The following C12orf56 variants were observed in gnomAD, a reference collection of about 807,000 sequenced individuals.
C12orf56 encodes the protein chromosome 12 open reading frame 56.
C12orf56 carries 71 observed loss-of-function variants against 69.9 expected under a neutral mutation model. The observed-to-expected ratio is 1.02, with a 90% CI of 0.84 to 1.24. The LOEUF is 1.24. Among genes scored for constraint, C12orf56 ranks in the 50% most tolerant of loss-of-function variants. The probability of loss-of-function intolerance (pLI) is 0.00; values close to 1 mark genes in which losing one functional copy is unlikely to be tolerated. For missense variants in C12orf56, 732 were observed against 738.5 expected, an observed-to-expected ratio of 0.99 and a Z score of 0.10; for synonymous variants, 276 against 274.1, an observed-to-expected ratio of 1.01 and a Z score of -0.07.
chr12:64,387,077 C>CAACAAAAAAAAAAAAAAAAAAAAA (rs1201123599), intron 1 of C12orf56, among the ~76,000 whole-genome samples: 1 of 42,086 alleles, frequency 2.4e-5, no homozygotes, highest in African/African-American at 1.1e-4. Flanking sequence ...GACTCTATCT[C>CAACAAAAAAAAAAAAAAAAAAAAA]AAAAAAAAAA....
chr12:64,383,617 C>T lies in C12orf56; in HGVS notation c.252+6697G>A, dbSNP rs568980383. Among the ~76,000 whole-genome samples the T allele has an allele frequency of 3.2e-4, 48 of 152,064 alleles. No homozygotes were observed. The South Asian group carries it at 6.6e-3, about 21-fold the overall frequency. On this transcript the variant is annotated intron_variant, in intron 1 of 12. Coordinates refer to ENST00000543942, the MANE Select transcript of C12orf56 (RefSeq NM_001170633.2). ...GTCTTAAACTCCTGACCTCATGATC[C>T]GCCCACCTCAGCCTCCCCAAGTGCT...
intron 6 of C12orf56, among the ~76,000 whole-genome samples, chr12:64,297,695 T>C (rs574613598): frequency 1.3e-5 from 2 of 152,220 alleles, no homozygotes; most frequent in Non-Finnish European, 2.9e-5. Context: ...GCTTCATCCA[T>C]GTCCCTGCAA....
rs1294693493 is a variant in C12orf56, at chr12:64,275,297, C to A, written c.1509+1G>T. On this transcript the variant is annotated splice_donor_variant, in intron 10 of 12. Coordinates refer to ENST00000543942, the MANE Select transcript of C12orf56 (RefSeq NM_001170633.2). LOFTEE classifies it high-confidence loss of function. ...AAAAATATAATTTTTAAAAATTGTACCTGCTGAAAGACCAGAAGTATCTCA... is the reference window on the plus strand; with the variant it reads ...AAAAATATAATTTTTAAAAATTGTAACTGCTGAAAGACCAGAAGTATCTCA... 2.2e-6 allele frequency: 3 copies of A among 1,350,656 alleles called. No homozygotes were observed. The highest frequency in any genetic ancestry group is 1.6e-5 in the South Asian group (1 of 63,446). 83.7% of individuals were successfully genotyped at this position (1,350,656 alleles called of 1,614,324 possible).
chr12:64,321,360 G>C lies in C12orf56; in HGVS notation c.489-2380C>G, dbSNP rs539619047. ...GTGGAAAACTACTTTGTTTTGTAGA[G>C]ATGGGGGTCTCACTACATTGCCCAG... On this transcript the variant is annotated intron_variant, in intron 3 of 12. Coordinates refer to ENST00000543942, the MANE Select transcript of C12orf56 (RefSeq NM_001170633.2). 1.3e-3 allele frequency among the ~76,000 whole-genome samples: 194 copies of C among 152,250 alleles called. 1 individual carries two copies. Among genetic ancestry groups the C allele is most frequent in the African/African-American group, 4.4e-3 (182 of 41,550 alleles).
chr12:64,381,071 A>T (rs568707420), intron 1 of C12orf56, among the ~76,000 whole-genome samples: 5 of 152,256 alleles, frequency 3.3e-5, no homozygotes, highest in Non-Finnish European at 7.4e-5. Flanking sequence ...CTAGAGTTTT[A>T]TTATTACTCA....
At chr12:64,349,253 C>A (rs757277078) in intron 2 of C12orf56, among the ~76,000 whole-genome samples, 3 of 152,052 alleles carry the variant, frequency 2.0e-5, no homozygotes, top group Non-Finnish European at 4.4e-5. Context: ...AAATGGCCAA[C>A]AAACATATGA....
chr12:64,337,267 A>G (rs910260787), intron 2 of C12orf56, among the ~76,000 whole-genome samples: 3 of 152,112 alleles, frequency 2.0e-5, no homozygotes, highest in Admixed American at 6.6e-5. Flanking sequence ...CTAGATACCA[A>G]CTGGGAGTAC....
At chr12:64,292,959 C>T (rs376748121) in intron 6 of C12orf56, among the ~76,000 whole-genome samples, 2 of 146,732 alleles carry the variant, frequency 1.4e-5, no homozygotes, top group African/African-American at 2.5e-5. Flanking sequence ...GCCTCGCTGC[C>T]GCCTTGCAGT....
Position 64,277,660 on chromosome 12 carries a change from C to A in C12orf56, c.1434+20G>T. On this transcript the variant is annotated intron_variant, in intron 9 of 12. Coordinates refer to ENST00000543942, the MANE Select transcript of C12orf56 (RefSeq NM_001170633.2). The stretch of plus-strand genomic sequence containing the variant: ...TATATATATATATATAATAGTTTAC[C>A]CCCCAAATTCTCATCTCACCTCAGC... 1 of 1,421,694 alleles carries A rather than the reference C, an allele frequency of 7.0e-7. No individual in the cohort carries two copies. 88.1% of individuals were successfully genotyped at this position (1,421,694 alleles called of 1,614,324 possible).
At chr12:64,347,650 G>T (rs2039164586) in intron 2 of C12orf56, among the ~76,000 whole-genome samples, 1 of 152,124 alleles carries the variant, frequency 6.6e-6, no homozygotes, top group African/African-American at 2.4e-5. Context: ...TGTCTCTCTA[G>T]TTATATATGT....
At position 64,318,910 on chromosome 12, in the gene C12orf56, A is replaced by G. The variant is rs2038730584; in HGVS notation, c.559T>C (p.Ser187Pro). 2 of 1,536,910 alleles carry G rather than the reference A, an allele frequency of 1.3e-6. No homozygotes were observed. The highest frequency in any genetic ancestry group is 1.7e-6 in the Non-Finnish European group (2 of 1,146,816). The change falls in exon 4 of 13, where the codon TCC becomes CCC. Residue 187 changes from serine (S) to proline (P), a missense_variant. By Grantham distance (74) the Ser-to-Pro change is moderately conservative. Coordinates refer to ENST00000543942, the MANE Select transcript of C12orf56 (RefSeq NM_001170633.2). ...CGAAAGGCACCTTGGCCATGAAGGG[A>G]CAGCTTTTTGAGGCCTGGACGAGGA... is the stretch of plus-strand genomic sequence containing the variant. ...LCPRPGLKKL[S>P]LHGQGAFRPL... is the part of the protein sequence containing the mutation.
intron 8 of C12orf56, among the ~76,000 whole-genome samples, chr12:64,284,256 T>A (rs10784397): frequency 0.72 from 109,815 of 152,080 alleles, 40,435 homozygotes; most frequent in Non-Finnish European, 0.8. Context: ...CAAAGTCATT[T>A]ACTCTAAGGT....
chr12:64,358,597 C>CA (rs1351048106), intron 1 of C12orf56, among the ~76,000 whole-genome samples: 1 of 151,530 alleles, frequency 6.6e-6, no homozygotes, highest in African/African-American at 2.4e-5. Context: ...AGTTCGAGAC[C>CA]AGCCTGGCCA....
chr12:64,388,884 G>C (rs2039828884), intron 1 of C12orf56: 1 of 152,176 alleles, frequency 6.6e-6, no homozygotes, highest in Admixed American at 6.5e-5. Flanking sequence ...CAAGAGAATG[G>C]AAACAATGGT....
At position 64,265,767 on chromosome 12, in the gene C12orf56, G is replaced by C. The variant is rs1368941590; in HGVS notation, c.*1416C>G. 1 of 152,236 alleles carries C rather than the reference G, an allele frequency of 6.6e-6. No homozygotes were observed. The highest frequency in any genetic ancestry group is 1.5e-5 in the Non-Finnish European group (1 of 68,058). 9.4% of individuals were successfully genotyped at this position (152,236 alleles called of 1,614,324 possible). On this transcript the variant is annotated 3_prime_UTR_variant, in exon 13 of 13. Transcript: ENST00000543942. Reference sequence around the variant, plus strand: ...CTCAAGTCATAATAAGTTGAATGGAGAGTCCAGTTCCTATGTTCTTAGAAG... The same window carrying C: ...CTCAAGTCATAATAAGTTGAATGGACAGTCCAGTTCCTATGTTCTTAGAAG...
chr12:64,300,588 T>G (rs1361710567), intron 6 of C12orf56, among the ~76,000 whole-genome samples: 1 of 152,118 alleles, frequency 6.6e-6, no homozygotes, highest in Admixed American at 6.6e-5. Context: ...CCCAGTCCTC[T>G]CCTAACTGCT....
At chr12:64,286,384 T>C (rs1038578681) in intron 6 of C12orf56, among the ~76,000 whole-genome samples, 1 of 152,154 alleles carries the variant, frequency 6.6e-6, no homozygotes, top group Non-Finnish European at 1.5e-5. Context: ...CCTTGAAAAA[T>C]GGGTCTCCTA....
intron 1 of C12orf56, among the ~76,000 whole-genome samples, chr12:64,371,840 A>T (rs1222027789): frequency 6.6e-6 from 1 of 151,986 alleles, no homozygotes. Context: ...AAATAAAAAC[A>T]TAATAATAAT....
At chr12:64,330,929 G>C in intron 3 of C12orf56, 31 bp downstream of exon 3, 1 of 1,497,174 alleles carries the variant, frequency 6.7e-7, no homozygotes, top group South Asian at 1.3e-5. Flanking sequence ...TGGTTAGCAA[G>C]TTAAACACAT....
Sources: allele counts gnomAD v4.1 joint callset (sites outside exome capture counted in the v4.1 genomes callset), GRCh38; gene constraint gnomAD v4.1.1; transcripts MANE v1.5; gene names NCBI Gene and HGNC (gene_info 2026-07-23, HGNC 2026-07-21).